CDH20: variants seen among roughly 807,000 people sequenced by gnomAD.
The protein encoded by CDH20 is cadherin 20.
A neutral mutation model predicts 74.2 loss-of-function variants in CDH20; 29 were observed. The observed-to-expected ratio is 0.39, with a 90% CI of 0.29 to 0.53. The LOEUF is 0.53. Ranked by LOEUF, CDH20 falls within the 20% of genes least tolerant of loss-of-function variation. The pLI, the probability that CDH20 is intolerant of heterozygous loss-of-function variation, is 0.69. For missense variants in CDH20, 988 were observed against 1,048.3 expected, an observed-to-expected ratio of 0.94 and a Z score of 0.79; for synonymous variants, 469 against 405.4, an observed-to-expected ratio of 1.16 and a Z score of -1.88.
At chr18:61,418,887 G>C (rs545114484) in intron 1 of CDH20, among the ~76,000 whole-genome samples, 24 of 151,972 alleles carry the variant, frequency 1.6e-4, no homozygotes, top group African/African-American at 5.5e-4. Flanking sequence ...GAAATATTTT[G>C]TTTTATGGAT....
intron 1 of CDH20, among the ~76,000 whole-genome samples, chr18:61,387,907 T>C (rs1199651333): frequency 6.6e-6 from 1 of 152,152 alleles, no homozygotes; most frequent in Non-Finnish European, 1.5e-5. Flanking sequence ...TCATTTTAAA[T>C]TCTGTTGCAT....
At position 61,543,215 on chromosome 18, in the gene CDH20, T is replaced by G. The variant is rs560291388; in HGVS notation, c.1531-1812T>G. On this transcript the variant is annotated intron_variant, in intron 9 of 11. Coordinates refer to ENST00000262717, the MANE Select transcript of CDH20 (RefSeq NM_031891.4). ...CTTCAGCATATTGTGAGAGTTAGCT[T>G]TAGCTCCCCTAATTTACAGATGAAG... 1.5e-3 allele frequency among the ~76,000 whole-genome samples: 233 copies of G among 152,264 alleles called. 1 individual carries two copies. Among genetic ancestry groups the G allele is most frequent in the Non-Finnish European group, 3.1e-3 (208 of 68,010 alleles).
At chr18:61,547,789 A>G (rs938309198) in intron 10 of CDH20, among the ~76,000 whole-genome samples, 1 of 151,792 alleles carries the variant, frequency 6.6e-6, no homozygotes, top group African/African-American at 2.4e-5. Context: ...ATAAGTTACT[A>G]AAGTCCTCAT....
chr18:61,359,113 T>C (rs961656952), intron 1 of CDH20, among the ~76,000 whole-genome samples: 5 of 152,208 alleles, frequency 3.3e-5, no homozygotes, highest in African/African-American at 1.2e-4. Context: ...TCTAAATCTT[T>C]GAATACTAAT....
chr18:61,372,326 T>C (rs1911071251), intron 1 of CDH20, among the ~76,000 whole-genome samples: 1 of 152,130 alleles, frequency 6.6e-6, no homozygotes, highest in African/African-American at 2.4e-5. Context: ...ATCTTCTGTG[T>C]CTATTGATCC....
At chr18:61,510,871 G>C (rs1911754173) in intron 6 of CDH20, among the ~76,000 whole-genome samples, 1 of 151,936 alleles carries the variant, frequency 6.6e-6, no homozygotes, top group South Asian at 2.1e-4. Flanking sequence ...CCTACTATGT[G>C]GCATGCCTCA....
intron 2 of CDH20, among the ~76,000 whole-genome samples, chr18:61,495,553 C>T (rs1911107333): frequency 6.6e-6 from 1 of 152,182 alleles, no homozygotes; most frequent in Non-Finnish European, 1.5e-5. Flanking sequence ...CTCCTCATCA[C>T]ACCTACTTCT....
rs1486187965 is a variant in CDH20, at chr18:61,333,557, G to A, written c.-423G>A. On this transcript the variant is annotated 5_prime_UTR_variant, in exon 1 of 12. Coordinates refer to ENST00000262717, the MANE Select transcript of CDH20 (RefSeq NM_031891.4). ...GAACGCGGTGGCCGCGGGAGGGCAGGGCAGGGCATCGGCGGGGTTGGTGCA... is the reference window on the plus strand; with the variant it reads ...GAACGCGGTGGCCGCGGGAGGGCAGAGCAGGGCATCGGCGGGGTTGGTGCA... 1 of 152,400 alleles carries A rather than the reference G, an allele frequency of 6.6e-6. No individual in the cohort carries two copies. The highest frequency in any genetic ancestry group is 1.5e-5 in the Non-Finnish European group (1 of 68,272). 9.4% of individuals were successfully genotyped at this position (152,400 alleles called of 1,614,324 possible). A position where few individuals can be genotyped will look rare whatever the true frequency, so the allele number is the denominator to read the frequency against.
At chr18:61,545,226 G>A (rs1173397680) in intron 10 of CDH20, 82 bp downstream of exon 10, 1 of 854,776 alleles carries the variant, frequency 1.2e-6, no homozygotes, top group Non-Finnish European at 2.0e-6. Context: ...TGCAAACAGT[G>A]TCAAAGGCTA....
At chr18:61,451,189 G>C (rs1338142317) in intron 1 of CDH20, among the ~76,000 whole-genome samples, 7 of 150,948 alleles carry the variant, frequency 4.6e-5, no homozygotes. Context: ...TTACTTTGTG[G>C]TTCTGCCCCA....
intron 6 of CDH20, among the ~76,000 whole-genome samples, chr18:61,525,794 C>A (rs1912375546): frequency 6.6e-6 from 1 of 151,982 alleles, no homozygotes; most frequent in South Asian, 2.1e-4. Context: ...ATATGTACAT[C>A]TATTATGTAT....
At chr18:61,458,404 G>A (rs1909652408) in intron 1 of CDH20, among the ~76,000 whole-genome samples, 1 of 152,088 alleles carries the variant, frequency 6.6e-6, no homozygotes, top group African/African-American at 2.4e-5. Context: ...GGAAAGCAGG[G>A]TCAGGAAAGT....
Position 61,555,322 on chromosome 18 carries a change from G to A in CDH20, c.*627G>A. 2.0e-6 allele frequency: 2 copies of A among 985,540 alleles called. No individual in the cohort carries two copies. Among genetic ancestry groups the A allele is most frequent in the Non-Finnish European group, 2.4e-6 (2 of 830,036 alleles). The allele number at this position is 985,540 out of a possible 1,614,324, so 61.0% of individuals were successfully genotyped here. ...GTGAAGGAAGAGACATTGACTTTATGCTCAAGTTTAGTGGCTGAACCAAGA... is the reference window on the plus strand; with the variant it reads ...GTGAAGGAAGAGACATTGACTTTATACTCAAGTTTAGTGGCTGAACCAAGA... On this transcript the variant is annotated 3_prime_UTR_variant, in exon 12 of 12. Coordinates refer to ENST00000262717, the MANE Select transcript of CDH20 (RefSeq NM_031891.4).
chr18:61,365,133 C>A (rs559038800), intron 1 of CDH20, among the ~76,000 whole-genome samples: 2 of 152,208 alleles, frequency 1.3e-5, no homozygotes, highest in African/African-American at 4.8e-5. Flanking sequence ...GGAGCAGACA[C>A]TGTCCTTCAT....
intron 1 of CDH20, among the ~76,000 whole-genome samples, chr18:61,468,164 C>G (rs1420289626): frequency 6.6e-6 from 1 of 152,144 alleles, no homozygotes; most frequent in Non-Finnish European, 1.5e-5. Context: ...GTTAATAGGC[C>G]TCAACTGTAT....
At chr18:61,480,201 G>C (rs1290154072) in intron 1 of CDH20, among the ~76,000 whole-genome samples, 1 of 152,066 alleles carries the variant, frequency 6.6e-6, no homozygotes. Flanking sequence ...AATTAAGAAA[G>C]TTAAAATCTA....
chr18:61,495,377 T>TCAG (rs1284366932), intron 2 of CDH20, among the ~76,000 whole-genome samples: 2 of 152,226 alleles, frequency 1.3e-5, no homozygotes, highest in Non-Finnish European at 2.9e-5. Context: ...CTGGTGTCTC[T>TCAG]CAGCCCCATG....
chr18:61,425,502 A>G (rs1476312850), intron 1 of CDH20, among the ~76,000 whole-genome samples: 2 of 152,210 alleles, frequency 1.3e-5, no homozygotes, highest in Non-Finnish European at 2.9e-5. Context: ...AGGCCTGCCC[A>G]GAGCACGTTT....
intron 7 of CDH20, among the ~76,000 whole-genome samples, chr18:61,529,096 A>G (rs1046983019): frequency 2.0e-5 from 3 of 152,196 alleles, no homozygotes; most frequent in African/African-American, 7.2e-5. Flanking sequence ...AAGTGCAAAT[A>G]GTTGATGGAC....
Sources: allele counts gnomAD v4.1 joint callset (sites outside exome capture counted in the v4.1 genomes callset), GRCh38; gene constraint gnomAD v4.1.1; transcripts MANE v1.5; gene names NCBI Gene and HGNC (gene_info 2026-07-23, HGNC 2026-07-21).